Variants in SEMA3A observed in about 807,000 individuals in gnomAD.
The protein encoded by SEMA3A is semaphorin-3A.
In SEMA3A, 29 loss-of-function variants were observed where a neutral mutation model predicts 97.9. The observed-to-expected ratio is 0.30, with a 90% CI of 0.22 to 0.40. The LOEUF (loss-of-function observed/expected upper bound fraction) is 0.40, where lower values mean the gene tolerates loss of function less well. SEMA3A is among the 10% of genes least tolerant of loss of function. The pLI, the probability that SEMA3A is intolerant of heterozygous loss-of-function variation, is 1.00. For missense variants in SEMA3A, 763 were observed against 951.3 expected (o/e 0.80, Z 2.60); for synonymous variants, 321 against 323.7 (o/e 0.99, Z 0.09).
chr7:84,351,135 G>A (rs1401970419), intron 2 of SEMA3A, among the ~76,000 whole-genome samples: 1 of 151,326 alleles, frequency 6.6e-6, no homozygotes. Flanking sequence ...TTTGAGATAC[G>A]CATCAGAAGC....
At chr7:84,478,959 T>C (rs62472017) in intron 1 of SEMA3A, among the ~76,000 whole-genome samples, 6,507 of 152,242 alleles carry the variant, frequency 0.043, 308 homozygotes, top group East Asian at 0.25. Flanking sequence ...AAAAGCATCC[T>C]CTAGTCCTTC....
chr7:84,257,393 C>G (rs1799741145), intron 3 of SEMA3A, among the ~76,000 whole-genome samples: 1 of 151,692 alleles, frequency 6.6e-6, no homozygotes, highest in Non-Finnish European at 1.5e-5. Context: ...ATTTTTTTCC[C>G]CAGGAGATTA....
chr7:84,479,345 C>T (rs2715034), intron 1 of SEMA3A, among the ~76,000 whole-genome samples: 29,609 of 152,106 alleles, frequency 0.19, 3,517 homozygotes, highest in East Asian at 0.47. Flanking sequence ...GCCAATTAAA[C>T]AGCAAACGGG....
chr7:83,968,677 T>A (rs1023676151), intron 15 of SEMA3A, among the ~76,000 whole-genome samples: 1 of 152,134 alleles, frequency 6.6e-6, no homozygotes, highest in African/African-American at 2.4e-5. Context: ...GTTATTTTTA[T>A]CTTATCTTTA....
chr7:84,178,270 C>T (rs184763411), intron 1 of SEMA3A, among the ~76,000 whole-genome samples: 17 of 152,106 alleles, frequency 1.1e-4, no homozygotes, highest in Non-Finnish European at 2.1e-4. Flanking sequence ...ATTGTCTATT[C>T]AGCACTTTGA....
chr7:84,045,971 GA>G (rs199548362), intron 6 of SEMA3A, among the ~76,000 whole-genome samples: 16 of 148,376 alleles, frequency 1.1e-4, no homozygotes, highest in African/African-American at 3.0e-4. Flanking sequence ...AGATGTAAAG[GA>G]AAAAAAAAAA....
chr7:84,383,001 A>G (rs1221141911), intron 1 of SEMA3A, among the ~76,000 whole-genome samples: 1 of 151,520 alleles, frequency 6.6e-6, no homozygotes, highest in Non-Finnish European at 1.5e-5. Context: ...CCCTTATAAT[A>G]GGTACGTGTA....
intron 14 of SEMA3A, among the ~76,000 whole-genome samples, chr7:83,978,427 A>G (rs1789260068): frequency 6.6e-6 from 1 of 152,138 alleles, no homozygotes; most frequent in South Asian, 2.1e-4. Context: ...GCGGTGCAAC[A>G]AAGATGTGAA....
intron 1 of SEMA3A, among the ~76,000 whole-genome samples, chr7:84,421,884 A>G (rs1463285941): frequency 1.3e-5 from 2 of 151,986 alleles, no homozygotes; most frequent in African/African-American, 4.8e-5. Context: ...ATTGTGGTGG[A>G]TAAGGTTTTT....
chr7:84,424,493 T>C (rs1479157686), intron 1 of SEMA3A, among the ~76,000 whole-genome samples: 6 of 106,296 alleles, frequency 5.6e-5, no homozygotes, highest in Non-Finnish European at 8.6e-5. Flanking sequence ...TATTGATATA[T>C]AATATATAAT....
intron 2 of SEMA3A, among the ~76,000 whole-genome samples, chr7:84,327,973 G>A (rs1421968452): frequency 2.0e-5 from 3 of 151,942 alleles, no homozygotes; most frequent in African/African-American, 7.2e-5. Context: ...TAATCAAACA[G>A]AAAGATAATT....
At chr7:84,212,188 A>C (rs1798644688) in intron 3 of SEMA3A, among the ~76,000 whole-genome samples, 1 of 152,166 alleles carries the variant, frequency 6.6e-6, no homozygotes, top group Non-Finnish European at 1.5e-5. Context: ...ATAATTAACT[A>C]ATAATTCTCT....
At chr7:84,344,299 A>C (rs1255139639) in intron 2 of SEMA3A, among the ~76,000 whole-genome samples, 1 of 152,146 alleles carries the variant, frequency 6.6e-6, no homozygotes, top group African/African-American at 2.4e-5. Flanking sequence ...CAGAAAAACA[A>C]ACACAAAATA....
rs1215776487 is a variant in SEMA3A at position 84,320,835 on chromosome 7, ATC to A, written c.-168-13545_-168-13544del. On this transcript the variant is annotated intron_variant, in intron 2 of 3. Coordinates refer to the SEMA3A transcript ENST00000424555. ...GTGTTACACTAGTGCAGGTTGTCTA[ATC>A]TCTCTGTGCCTTCCTTCTTTCTTTA... Among the ~76,000 whole-genome samples the A allele has an allele frequency of 7.2e-5, 11 of 152,124 alleles. 1 individual carries two copies. Among genetic ancestry groups the A allele is most frequent in the African/African-American group, 2.4e-4 (10 of 41,440 alleles).
chr7:84,116,514 T>C (rs567025949), intron 3 of SEMA3A, among the ~76,000 whole-genome samples: 1 of 152,276 alleles, frequency 6.6e-6, no homozygotes, highest in South Asian at 2.1e-4. Flanking sequence ...CTGAACTCCA[T>C]TTTCTCAAAA....
rs1157215838 is a variant in SEMA3A at position 84,007,587 on chromosome 7, G to T, written c.996-90C>A. 8.1e-6 allele frequency: 8 copies of T among 985,846 alleles called. No individual in the cohort carries two copies. In the East Asian group the frequency reaches 2.2e-4, roughly 28 times the overall value. 61.1% of individuals were successfully genotyped at this position (985,846 alleles called of 1,614,324 possible). The stretch of plus-strand genomic sequence containing the variant: ...TACTGAGTTCTTACATTTTAGATAT[G>T]ATTTATTAAAATATGAATATAAATT... On this transcript the variant is annotated intron_variant, in intron 9 of 16. Transcript: ENST00000265362.
intron 4 of SEMA3A, among the ~76,000 whole-genome samples, chr7:84,083,766 A>T (rs541940436): frequency 3.3e-5 from 5 of 152,204 alleles, no homozygotes. Context: ...TTAACATTTT[A>T]TATAATCCAT....
Position 84,110,403 on chromosome 7 carries a change from T to C in SEMA3A, c.453+67A>G, listed in dbSNP as rs1795240895. On this transcript the variant is annotated intron_variant, in intron 4 of 16. Coordinates refer to ENST00000265362, the MANE Select transcript of SEMA3A (RefSeq NM_006080.3). Reference sequence around the variant, plus strand: ...CACAAGCAAAATAAACTGAAGAAATTAGTAATGAAGCATTTTGAATAGAAA... The same window carrying C: ...CACAAGCAAAATAAACTGAAGAAATCAGTAATGAAGCATTTTGAATAGAAA... 5.1e-6 allele frequency: 8 copies of C among 1,564,542 alleles called. No individual in the cohort carries two copies. The South Asian group carries it at 8.0e-5, about 16-fold the overall frequency.
At chr7:84,290,374 T>A (rs987062019) in intron 3 of SEMA3A, among the ~76,000 whole-genome samples, 1 of 152,026 alleles carries the variant, frequency 6.6e-6, no homozygotes, top group Non-Finnish European at 1.5e-5. Context: ...TTGAAGAGGG[T>A]TATCTTTTAT....
Sources: gnomAD v4.1 joint callset for allele counts (sites outside exome capture counted in the v4.1 genomes callset) on GRCh38, gnomAD v4.1.1 for gene constraint, MANE v1.5 for transcripts, NCBI Gene and HGNC (gene_info 2026-07-23, HGNC 2026-07-21) for gene names.